Variants in OGFRL1 observed in about 807,000 individuals in gnomAD.
OGFRL1 encodes opioid growth factor receptor-like protein 1.
In OGFRL1, 26 loss-of-function variants were observed where a neutral mutation model predicts 32.4. The observed-to-expected ratio is 0.80, with a 90% confidence interval of 0.59 to 1.11. The LOEUF is 1.11. Among genes scored for constraint, OGFRL1 ranks in the 50% most tolerant of loss-of-function variants. The pLI is 0.00. For missense variants in OGFRL1, 521 were observed against 546.4 expected (o/e 0.95, Z 0.46); for synonymous variants, 211 against 201.2 (o/e 1.05, Z -0.41).
At position 71,301,972 on chromosome 6, in the gene OGFRL1, G is replaced by A. The variant is rs1377375459; in HGVS notation, c.1279G>A (p.Glu427Lys). 7.5e-6 allele frequency: 12 copies of A among 1,607,638 alleles called. No individual in the cohort carries two copies. Among genetic ancestry groups the A allele is most frequent in the African/African-American group, 5.4e-5 (4 of 74,170 alleles). ...KKESVSPENNEEGGNDNQDNE... is the reference protein window; with the variant it reads ...KKESVSPENNKEGGNDNQDNE... ...GGAGAGTGTATCTCCTGAGAATAAC[G>A]AAGAAGGTGGAAATGATAACCAAGA... Residue 427 changes from glutamate (E) to lysine (K), a missense_variant, in exon 7 of 7, where the codon GAA (glutamate) becomes AAA (lysine). Glu to Lys is a moderately conservative substitution (Grantham distance 56). Transcript: ENST00000370435.
rs904269864 is a variant in OGFRL1 at position 71,302,173 on chromosome 6, A to T, written c.*124A>T. On this transcript the variant is annotated 3_prime_UTR_variant, in exon 7 of 7. Transcript: ENST00000370435. ...CCATCTGTTTGTGATTTCTGTCATA[A>T]GCATTTTGTTGTTTGTTTTTTTATT... 25 of 802,772 alleles carry T rather than the reference A, an allele frequency of 3.1e-5. No individual in the cohort carries two copies. Among genetic ancestry groups the T allele is most frequent in the Non-Finnish European group, 4.5e-5 (25 of 553,638 alleles). The allele number at this position is 802,772 out of a possible 1,614,324, so 49.7% of individuals were successfully genotyped here. A position where few individuals can be genotyped will look rare whatever the true frequency, so the allele number is the denominator to read the frequency against.
chr6:71,301,599 A>G lies in OGFRL1; in HGVS notation c.906A>G (p.Lys302=). The change falls in exon 7 of 7, where the codon AAA becomes AAG. Residue 302 remains lysine (K), a synonymous_variant. Transcript: ENST00000370435. ...GAAAGCTCCTGCGGTTCGCCCAGAA[A>G]CACTACACGCCTTCAGAGAACTTTA... ...ERRKLLRFAQ[K]HYTPSENFIW... 1.9e-6 allele frequency: 3 copies of G among 1,614,182 alleles called. No individual in the cohort carries two copies. In the South Asian group the frequency reaches 3.3e-5, roughly 18 times the overall value.
rs577679096 is a variant in OGFRL1, at chr6:71,293,652, C to A, written c.400+41C>A. The stretch of plus-strand genomic sequence containing the variant: ...CTTGATAAATTGCACTTTAAATAAT[C>A]ACATACACTTGGTTATTCTTTATTT... On this transcript the variant is annotated intron_variant, in intron 3 of 6. Coordinates refer to ENST00000370435, the MANE Select transcript of OGFRL1 (RefSeq NM_024576.5). 2.7e-5 allele frequency: 34 copies of A among 1,280,094 alleles called. 1 individual carries two copies. In the East Asian group the frequency reaches 6.5e-4, roughly 24 times the overall value. 79.3% of individuals were successfully genotyped at this position (1,280,094 alleles called of 1,614,324 possible).
intron 1 of OGFRL1, among the ~76,000 whole-genome samples, chr6:71,292,707 T>C (rs1300050484): frequency 6.6e-6 from 1 of 152,232 alleles, no homozygotes; most frequent in Non-Finnish European, 1.5e-5. Context: ...CATTGTATTA[T>C]CATTCAGTGA....
At chr6:71,300,626 T>C (rs1200189045) in intron 6 of OGFRL1, among the ~76,000 whole-genome samples, 2 of 152,306 alleles carry the variant, frequency 1.3e-5, no homozygotes, top group Non-Finnish European at 2.9e-5. Flanking sequence ...CTAGTACTTA[T>C]CGAGTTCTAT....
At position 71,293,536 on chromosome 6, in the gene OGFRL1, T is replaced by C. The variant is rs917057221; in HGVS notation, c.325T>C (p.Phe109Leu). ...LYKYRHQYPNFKDIRYQNDLS... is the reference protein window; with the variant it reads ...LYKYRHQYPNLKDIRYQNDLS... Reference sequence around the variant, plus strand: ...GATTTATTTTTTCCTTTAGCAGAACTTCAAAGATATCCGATATCAAAATGA... The same window carrying C: ...GATTTATTTTTTCCTTTAGCAGAACCTCAAAGATATCCGATATCAAAATGA... Residue 109 changes from phenylalanine to leucine, a missense_variant, in exon 3 of 7, where the codon TTC becomes CTC. By Grantham distance (22) the Phe-to-Leu change is conservative (BLOSUM62 0). Coordinates refer to ENST00000370435, the MANE Select transcript of OGFRL1 (RefSeq NM_024576.5). 1 of 1,612,180 alleles carries C rather than the reference T, an allele frequency of 6.2e-7. No individual in the cohort carries two copies. The highest frequency in any genetic ancestry group is 8.5e-7 in the Non-Finnish European group (1 of 1,178,628).
Position 71,296,665 on chromosome 6 carries a change from A to G in OGFRL1, c.547-7A>G, listed in dbSNP as rs1453185634. ...TTTCAGGTGACTTTTTTCATTTTTT[A>G]TATTAGGAATTCAAAAAAACAAAAG... On this transcript the variant is annotated splice_region_variant and splice_polypyrimidine_tract_variant and intron_variant, in intron 5 of 6. Transcript: ENST00000370435. 1.2e-6 allele frequency: 2 copies of G among 1,607,346 alleles called. No individual in the cohort carries two copies. The highest frequency in any genetic ancestry group is 1.7e-6 in the Non-Finnish European group (2 of 1,177,748).
At chr6:71,294,262 A>G (rs1256560133) in intron 3 of OGFRL1, among the ~76,000 whole-genome samples, 1 of 152,086 alleles carries the variant, frequency 6.6e-6, no homozygotes, top group Non-Finnish European at 1.5e-5. Context: ...ACAACATTGC[A>G]TATTTCATTG....
At chr6:71,289,715 C>T (rs898055132) in intron 1 of OGFRL1, 6 of 985,302 alleles carry the variant, frequency 6.1e-6, no homozygotes, top group African/African-American at 1.7e-5. Flanking sequence ...GCCTTTCAAC[C>T]TAGGATTCAG....
Position 71,301,966 on chromosome 6 carries a change from A to G in OGFRL1, c.1273A>G (p.Asn425Asp). ...TEKKESVSPE[N>D]NEEGGNDNQD... ...AAAAAAGGAGAGTGTATCTCCTGAG[A>G]ATAACGAAGAAGGTGGAAATGATAA... Residue 425 changes from asparagine (N) to aspartate (D), a missense_variant, in exon 7 of 7, where the codon AAT (asparagine) becomes GAT (aspartate). Transcript: ENST00000370435. 1.2e-6 allele frequency: 2 copies of G among 1,604,870 alleles called. No homozygotes were observed. Among genetic ancestry groups the G allele is most frequent in the Non-Finnish European group, 8.5e-7 (1 of 1,177,822 alleles).
Position 71,304,243 on chromosome 6 carries a change from T to G in OGFRL1, c.*2194T>G, listed in dbSNP as rs1766478613. 6.6e-6 allele frequency: 1 copy of G among 152,028 alleles called. No homozygotes were observed. The highest frequency in any genetic ancestry group is 1.5e-5 in the Non-Finnish European group (1 of 67,940). The allele number at this position is 152,028 out of a possible 1,614,324, so 9.4% of individuals were successfully genotyped here. On this transcript the variant is annotated 3_prime_UTR_variant, in exon 7 of 7. Coordinates refer to ENST00000370435, the MANE Select transcript of OGFRL1 (RefSeq NM_024576.5). ...TTTCTCATTTTTAGTTCCCATAATA[T>G]GCCAGTTTTTGCTTTCCTAGTGTTC...
intron 1 of OGFRL1, chr6:71,289,582 TACTC>T: frequency 1.5e-6 from 1 of 680,922 alleles, no homozygotes. Context: ...AAAAAAAAAT[TACTC>T]AGAATAAGGT....
rs1335424403 is a variant in OGFRL1 at position 71,289,265 on chromosome 6, G to A, written c.234+95G>A. 4 of 1,013,942 alleles carry A rather than the reference G, an allele frequency of 3.9e-6. No individual in the cohort carries two copies. The East Asian group carries it at 4.1e-4, about 104-fold the overall frequency. The allele number at this position is 1,013,942 out of a possible 1,614,324, so 62.8% of individuals were successfully genotyped here. A position where few individuals can be genotyped will look rare whatever the true frequency, so the allele number is the denominator to read the frequency against. On this transcript the variant is annotated intron_variant, in intron 1 of 6. Coordinates refer to ENST00000370435, the MANE Select transcript of OGFRL1 (RefSeq NM_024576.5). ...CCGCCCTCGCGCTCGGAGGCCAGGG[G>A]CGCCAGGTGGCTGCTCGCCGCTGCG...
In OGFRL1 at chr6:71,304,601, T is replaced by G. The variant is rs1039504748; in HGVS notation, c.*2552T>G. On this transcript the variant is annotated 3_prime_UTR_variant, in exon 7 of 7. Coordinates refer to ENST00000370435, the MANE Select transcript of OGFRL1 (RefSeq NM_024576.5). ...AATCAATGAATGTAATTTGAATTACTTAGAAATTGTATATTAGAGCCCTTA... is the reference window on the plus strand; with the variant it reads ...AATCAATGAATGTAATTTGAATTACGTAGAAATTGTATATTAGAGCCCTTA... The G allele has an allele frequency of 2.0e-5, 3 of 152,148 alleles. No homozygotes were observed. The highest frequency in any genetic ancestry group is 4.4e-5 in the Non-Finnish European group (3 of 67,968). 9.4% of individuals were successfully genotyped at this position (152,148 alleles called of 1,614,324 possible).
chr6:71,288,895 G>A lies in OGFRL1; in HGVS notation c.-42G>A. The A allele has an allele frequency of 1.6e-6, 2 of 1,231,016 alleles. No homozygotes were observed. The highest frequency in any genetic ancestry group is 2.1e-6 in the Non-Finnish European group (2 of 970,016). 76.3% of individuals were successfully genotyped at this position (1,231,016 alleles called of 1,614,324 possible). The stretch of plus-strand genomic sequence containing the variant: ...CCCTAGAGCGCCTGCCGCAGCTTGC[G>A]CCCCGCAGCCCCGCAGCCCCGCGCC... On this transcript the variant is annotated 5_prime_UTR_variant, in exon 1 of 7. Transcript: ENST00000370435.
At chr6:71,299,033 A>G (rs964800523) in intron 6 of OGFRL1, among the ~76,000 whole-genome samples, 1 of 152,206 alleles carries the variant, frequency 6.6e-6, no homozygotes, top group Non-Finnish European at 1.5e-5. Context: ...ATTTTCAGAC[A>G]TGAGAGTACA....
chr6:71,299,683 AT>A (rs2149355880), intron 6 of OGFRL1, among the ~76,000 whole-genome samples: 1 of 152,286 alleles, frequency 6.6e-6, no homozygotes, highest in African/African-American at 2.4e-5. Context: ...GTCAGTAAGT[AT>A]TTAGAGTATG....
Position 71,293,324 on chromosome 6 carries a change from C to T in OGFRL1, c.266C>T (p.Pro89Leu), listed in dbSNP as rs1273624594. 1.9e-6 allele frequency: 3 copies of T among 1,613,588 alleles called. No homozygotes were observed. The highest frequency in any genetic ancestry group is 2.7e-5 in the African/African-American group (2 of 74,856). Residue 89 changes from proline (P) to leucine (L), a missense_variant, in exon 2 of 7, where the codon CCA (proline) becomes CTA (leucine). By Grantham distance (98) the Pro-to-Leu change is moderately conservative. Coordinates refer to ENST00000370435, the MANE Select transcript of OGFRL1 (RefSeq NM_024576.5). ...GATTCCACTGAAGCAACTGCCAAAC[C>T]AAAGAGAAGTTTTTATGCTGCCAGG... ...GGDSTEATAK[P>L]KRSFYAARDL... is the part of the protein sequence containing the mutation.
At chr6:71,298,314 G>A (rs1766276578) in intron 6 of OGFRL1, among the ~76,000 whole-genome samples, 2 of 152,070 alleles carry the variant, frequency 1.3e-5, no homozygotes, top group South Asian at 4.1e-4. Context: ...CATGCCAGCA[G>A]CCTATTGACA....
Sources: allele counts gnomAD v4.1 joint callset (sites outside exome capture counted in the v4.1 genomes callset), GRCh38; gene constraint gnomAD v4.1.1; transcripts MANE v1.5; gene names NCBI Gene and HGNC (gene_info 2026-07-23, HGNC 2026-07-21).